TPMT: variants seen among roughly 807,000 people sequenced by gnomAD.
The protein encoded by TPMT is thiopurine S-methyltransferase.
In TPMT, 18 loss-of-function variants were observed where a neutral mutation model predicts 34.2. That is an observed-to-expected ratio of 0.53 (90% CI 0.36 to 0.78). The LOEUF (loss-of-function observed/expected upper bound fraction) is 0.78, where lower values mean the gene tolerates loss of function less well. Ranked by LOEUF, TPMT falls within the 30% of genes least tolerant of loss-of-function variation. TPMT has a pLI of 0.00. For missense variants in TPMT, 265 were observed against 288.1 expected (o/e 0.92, Z 0.58); for synonymous variants, 69 against 92.4 (o/e 0.75, Z 1.45).
chr6:18,129,458 C>T lies in TPMT; in HGVS notation c.*1210G>A, dbSNP rs1169615303. On this transcript the variant is annotated 3_prime_UTR_variant, in exon 9 of 9. Coordinates refer to ENST00000309983, the MANE Select transcript of TPMT (RefSeq NM_000367.5). ...GCACATGTGCGTGCATGCGTGCACA[C>T]ACACACGTAACTCGTTTTTTATAAT... is the stretch of plus-strand genomic sequence containing the variant. 6.6e-6 allele frequency: 1 copy of T among 152,148 alleles called. No homozygotes were observed. The highest frequency in any genetic ancestry group is 1.5e-5 in the Non-Finnish European group (1 of 68,032). The allele number at this position is 152,148 out of a possible 1,614,324, so 9.4% of individuals were successfully genotyped here.
At chr6:18,152,447 T>C (rs1030644170) in intron 1 of TPMT, among the ~76,000 whole-genome samples, 6 of 152,220 alleles carry the variant, frequency 3.9e-5, no homozygotes, top group Admixed American at 3.9e-4. Context: ...ATTTGTATTT[T>C]CAAATAATTT....
rs1784396571 is a variant in TPMT, at chr6:18,153,598, A to G, written c.-45+1435T>C. 6.6e-6 allele frequency among the ~76,000 whole-genome samples: 1 copy of G among 152,228 alleles called. No individual in the cohort carries two copies. Among genetic ancestry groups the G allele is most frequent in the Non-Finnish European group, 1.5e-5 (1 of 68,036 alleles). On this transcript the variant is annotated intron_variant, in intron 1 of 8. Transcript: ENST00000309983. The surrounding 1 kb of genome is among the most constrained non-coding windows in gnomAD (Gnocchi z 4.2). ...GGCATTTCTCTCATTACCTGGGAAC[A>G]TGAATTCACTTCTTAGCAAATATTT...
In TPMT at chr6:18,130,619, C is replaced by T. The variant is rs750966343; in HGVS notation, c.*49G>A. 4 of 1,253,594 alleles carry T rather than the reference C, an allele frequency of 3.2e-6. No individual in the cohort carries two copies. The highest frequency in any genetic ancestry group is 4.7e-5 in the East Asian group (2 of 42,950). 77.7% of individuals were successfully genotyped at this position (1,253,594 alleles called of 1,614,324 possible). On this transcript the variant is annotated 3_prime_UTR_variant, in exon 9 of 9. Coordinates refer to ENST00000309983, the MANE Select transcript of TPMT (RefSeq NM_000367.5). This position sits in a 1 kb window ranked among gnomAD's most constrained non-coding sequence, Gnocchi z 4.2. ...CATTTTCAGGCTTTAGCATAATTTTCAATTCCTCAAAAACATGTCAGTGTG... is the reference window on the plus strand; with the variant it reads ...CATTTTCAGGCTTTAGCATAATTTTTAATTCCTCAAAAACATGTCAGTGTG...
Position 18,130,805 on chromosome 6 carries a change from T to G in TPMT, c.626-25A>C. On this transcript the variant is annotated intron_variant, in intron 8 of 8. Coordinates refer to ENST00000309983, the MANE Select transcript of TPMT (RefSeq NM_000367.5). This position sits in a 1 kb window ranked among gnomAD's most constrained non-coding sequence, Gnocchi z 4.2. ...CCTGAAACAAGAAAGAGTAACATGT[T>G]AAAATACTATGAAGAATGACATCAG... 6.4e-7 allele frequency: 1 copy of G among 1,554,244 alleles called. No individual in the cohort carries two copies. The highest frequency in any genetic ancestry group is 2.3e-5 in the East Asian group (1 of 44,440).
At position 18,146,235 on chromosome 6, in the gene TPMT, G is replaced by A. The variant is rs1312199724; in HGVS notation, c.233+1588C>T. Among the ~76,000 whole-genome samples, 1 of 151,890 alleles carries A rather than the reference G, an allele frequency of 6.6e-6. No individual in the cohort carries two copies. Among genetic ancestry groups the A allele is most frequent in the Admixed American group, 6.6e-5 (1 of 15,228 alleles). ...CATATATATATATTTTTTGGAGACAGAGTCTCACTCTGTCACCTAGGCTGG... is the reference window on the plus strand; with the variant it reads ...CATATATATATATTTTTTGGAGACAAAGTCTCACTCTGTCACCTAGGCTGG... On this transcript the variant is annotated intron_variant, in intron 3 of 8. Transcript: ENST00000309983. The surrounding 1 kb of genome is among the most constrained non-coding windows in gnomAD (Gnocchi z 6.2).
At position 18,131,810 on chromosome 6, in the gene TPMT, C is replaced by T. The variant is rs750560311; in HGVS notation, c.625+323G>A. 8.6e-5 allele frequency among the ~76,000 whole-genome samples: 13 copies of T among 151,746 alleles called. No homozygotes were observed. Among genetic ancestry groups the T allele is most frequent in the Non-Finnish European group, 1.6e-4 (11 of 67,994 alleles). On this transcript the variant is annotated intron_variant, in intron 8 of 8. Transcript: ENST00000309983. This position sits in a 1 kb window ranked among gnomAD's most constrained non-coding sequence, Gnocchi z 4.3. ...TTTTTTTTTTTTAGATGGAGTCTCA[C>T]TCTGTTACCCACGCTGGAGTGCAGT...
chr6:18,147,409 G>C (rs1438823867), intron 3 of TPMT, among the ~76,000 whole-genome samples: 2 of 152,192 alleles, frequency 1.3e-5, no homozygotes, highest in East Asian at 3.8e-4. Flanking sequence ...GAGCTGAACT[G>C]TGGACTATGA....
rs1181055534 is a variant in TPMT, at chr6:18,146,544, C to T, written c.233+1279G>A. On this transcript the variant is annotated intron_variant, in intron 3 of 8. Coordinates refer to ENST00000309983, the MANE Select transcript of TPMT (RefSeq NM_000367.5). This position sits in a 1 kb window ranked among gnomAD's most constrained non-coding sequence, Gnocchi z 6.2. ...CTTTAGACCCCAAATATTCAACAAT[C>T]ACATTTAATTGGCTATTTCATACCA... is the stretch of plus-strand genomic sequence containing the variant. Among the ~76,000 whole-genome samples the T allele has an allele frequency of 1.3e-5, 2 of 152,102 alleles. No individual in the cohort carries two copies. The highest frequency in any genetic ancestry group is 2.4e-5 in the African/African-American group (1 of 41,424).
At position 18,149,758 on chromosome 6, in the gene TPMT, C is replaced by T. The variant is rs1284826511; in HGVS notation, c.-44-587G>A. On this transcript the variant is annotated intron_variant, in intron 1 of 8. Coordinates refer to ENST00000309983, the MANE Select transcript of TPMT (RefSeq NM_000367.5). This position sits in a 1 kb window ranked among gnomAD's most constrained non-coding sequence, Gnocchi z 5.0. Reference sequence around the variant, plus strand: ...GGGATTACAAGTGTGAGTCACTGCACCTTGCCATTTCAACATCCAATAAGA... The same window carrying T: ...GGGATTACAAGTGTGAGTCACTGCATCTTGCCATTTCAACATCCAATAAGA... 6.6e-6 allele frequency among the ~76,000 whole-genome samples: 1 copy of T among 152,182 alleles called. No homozygotes were observed.
intron 3 of TPMT, among the ~76,000 whole-genome samples, chr6:18,144,713 T>C (rs112021950): frequency 0.014 from 2,066 of 148,918 alleles, 49 homozygotes; most frequent in African/African-American, 0.048. Flanking sequence ...GAGGAAAATT[T>C]TTTCCTCAAA....
At chr6:18,142,712 C>G (rs539989262) in intron 4 of TPMT, among the ~76,000 whole-genome samples, 3 of 152,138 alleles carry the variant, frequency 2.0e-5, no homozygotes, top group African/African-American at 7.2e-5. Context: ...AAACCTTCAC[C>G]ACTCCACAGG....
chr6:18,139,080 T>C lies in TPMT; in HGVS notation c.420-43A>G, dbSNP rs1177876574. On this transcript the variant is annotated intron_variant, in intron 5 of 8. Transcript: ENST00000309983. This position sits in a 1 kb window ranked among gnomAD's most constrained non-coding sequence, Gnocchi z 4.2. ...AACATTTTATGGGAGAAAAATCAAA[T>C]CTTTAAGAAGATGAGCAGCGTCCCC... 3.2e-6 allele frequency: 5 copies of C among 1,563,276 alleles called. No homozygotes were observed. Among genetic ancestry groups the C allele is most frequent in the Non-Finnish European group, 4.4e-6 (5 of 1,133,624 alleles).
rs113497494 is a variant in TPMT at position 18,133,755 on chromosome 6, A to G, written c.580+49T>C. ...TATCCATGTCATAGAATTTATATCA[A>G]GAAACTAGGCAACTGGTAAAAGAAA... On this transcript the variant is annotated intron_variant, in intron 7 of 8. Coordinates refer to ENST00000309983, the MANE Select transcript of TPMT (RefSeq NM_000367.5). 2.6e-5 allele frequency: 36 copies of G among 1,390,844 alleles called. No homozygotes were observed. In the African/African-American group the frequency reaches 2.8e-4, roughly 11 times the overall value. 86.2% of individuals were successfully genotyped at this position (1,390,844 alleles called of 1,614,324 possible). A position where few individuals can be genotyped will look rare whatever the true frequency, so the allele number is the denominator to read the frequency against.
intron 7 of TPMT, 113 bp downstream of exon 7, chr6:18,133,691 G>T: frequency 1.3e-6 from 1 of 791,596 alleles, no homozygotes; most frequent in Non-Finnish European, 2.1e-6. Flanking sequence ...TATATATGCA[G>T]TATGCTTCCT....
chr6:18,142,493 G>A (rs139628028), intron 4 of TPMT, among the ~76,000 whole-genome samples: 248 of 152,054 alleles, frequency 1.6e-3, no homozygotes, highest in African/African-American at 5.8e-3. Flanking sequence ...CAACAGCCTC[G>A]CAACAGCACA....
At position 18,138,194 on chromosome 6, in the gene TPMT, G is replaced by A. The variant is rs191299918; in HGVS notation, c.494+769C>T. On this transcript the variant is annotated intron_variant, in intron 6 of 8. Coordinates refer to ENST00000309983, the MANE Select transcript of TPMT (RefSeq NM_000367.5). The surrounding 1 kb of genome is among the most constrained non-coding windows in gnomAD (Gnocchi z 4.1). ...CTCTTTGACCTCAGTTTCCTCATCT[G>A]TATAATGGAATAGTAGCTTATACCT... Among the ~76,000 whole-genome samples the A allele has an allele frequency of 2.0e-5, 3 of 151,610 alleles. No individual in the cohort carries two copies. Among genetic ancestry groups the A allele is most frequent in the Admixed American group, 1.3e-4 (2 of 15,222 alleles).
Position 18,153,032 on chromosome 6 carries a change from C to A in TPMT, c.-45+2001G>T, listed in dbSNP as rs548225451. On this transcript the variant is annotated intron_variant, in intron 1 of 8. Transcript: ENST00000309983. The surrounding 1 kb of genome is among the most constrained non-coding windows in gnomAD (Gnocchi z 4.2). ...CACCGCCATTTTTTGTGCATGGTAC[C>A]CATGAAGCTCAATTACTCATGGGTA... is the stretch of plus-strand genomic sequence containing the variant. 1.3e-5 allele frequency among the ~76,000 whole-genome samples: 2 copies of A among 152,272 alleles called. No individual in the cohort carries two copies. Among genetic ancestry groups the A allele is most frequent in the South Asian group, 4.1e-4 (2 of 4,830 alleles).
In TPMT at chr6:18,139,635, T is replaced by C; in HGVS notation, c.419+30A>G. ...CACTGCCTGGCAAGCATTCAAATTT[T>C]TTAAAGTGCAGATGTAGTATTCAAC... On this transcript the variant is annotated intron_variant, in intron 5 of 8. Coordinates refer to ENST00000309983, the MANE Select transcript of TPMT (RefSeq NM_000367.5). The surrounding 1 kb of genome is among the most constrained non-coding windows in gnomAD (Gnocchi z 4.2). 1 of 1,596,416 alleles carries C rather than the reference T, an allele frequency of 6.3e-7. No individual in the cohort carries two copies. Among genetic ancestry groups the C allele is most frequent in the African/African-American group, 1.3e-5 (1 of 74,640 alleles).
rs1800584 is a variant in TPMT at position 18,130,781 on chromosome 6, C to T, written c.626-1G>A. 113 of 1,603,446 alleles carry T rather than the reference C, an allele frequency of 7.0e-5. No homozygotes were observed. Among genetic ancestry groups the T allele is most frequent in the Non-Finnish European group, 9.5e-5 (111 of 1,170,804 alleles). On this transcript the variant is annotated splice_acceptor_variant, in intron 8 of 8. Coordinates refer to ENST00000309983, the MANE Select transcript of TPMT (RefSeq NM_000367.5). LOFTEE classifies it high-confidence loss of function. This position sits in a 1 kb window ranked among gnomAD's most constrained non-coding sequence, Gnocchi z 4.2. ...AGACAACGTATATTGCATATTTTAC[C>T]TGAAACAAGAAAGAGTAACATGTTA...
Sources: allele counts gnomAD v4.1 joint callset (sites outside exome capture counted in the v4.1 genomes callset), GRCh38; gene constraint gnomAD v4.1.1; non-coding constraint Gnocchi (gnomAD v3.1); transcripts MANE v1.5; gene names NCBI Gene and HGNC (gene_info 2026-07-23, HGNC 2026-07-21).